Variants in DAAM2 observed in about 807,000 individuals in gnomAD.
The protein encoded by DAAM2 is disheveled-associated activator of morphogenesis 2.
Under a neutral mutation model 120.7 loss-of-function variants are expected in DAAM2, and 39 were observed. The ratio of observed to expected loss-of-function variants is 0.32; its 90% CI spans 0.25 to 0.42. DAAM2 has a LOEUF of 0.42. DAAM2 is among the 10% of genes least tolerant of loss of function. The pLI is 1.00. For missense variants in DAAM2, 1,283 were observed against 1,401.7 expected (o/e 0.92, Z 1.35); for synonymous variants, 488 against 524.9 (o/e 0.93, Z 0.96).
At chr6:39,836,673 A>G (rs1005303891) in intron 1 of DAAM2, among the ~76,000 whole-genome samples, 2 of 152,154 alleles carry the variant, frequency 1.3e-5, no homozygotes, top group Non-Finnish European at 2.9e-5. Flanking sequence ...CAAGCCCTCC[A>G]GGAAATTCTG....
chr6:39,891,470 G>T (rs777371487), intron 18 of DAAM2, 23 bp downstream of exon 18: 2 of 1,585,186 alleles, frequency 1.3e-6, no homozygotes, highest in Admixed American at 3.6e-5. Flanking sequence ...GCATGGTGGG[G>T]ATTCAAGCAG....
At chr6:39,831,870 G>T (rs1246290399) in intron 1 of DAAM2, among the ~76,000 whole-genome samples, 1 of 109,178 alleles carries the variant, frequency 9.2e-6, no homozygotes, top group Admixed American at 9.1e-5. Flanking sequence ...GTACCGAGGG[G>T]GCAGTTGTAC....
At chr6:39,832,179 G>T (rs1762940760) in intron 1 of DAAM2, among the ~76,000 whole-genome samples, 1 of 151,914 alleles carries the variant, frequency 6.6e-6, no homozygotes, top group Non-Finnish European at 1.5e-5. Flanking sequence ...AGGGTAGAGG[G>T]GCCGACAGGT....
At chr6:39,883,761 G>A (rs554033805) in intron 14 of DAAM2, 10 of 544,084 alleles carry the variant, frequency 1.8e-5, no homozygotes, top group South Asian at 1.1e-4. Context: ...GGAAAAGGGG[G>A]TTGTCTCTGG....
chr6:39,865,986 A>G (rs957037051), intron 5 of DAAM2, among the ~76,000 whole-genome samples: 5 of 152,214 alleles, frequency 3.3e-5, no homozygotes, highest in Admixed American at 6.5e-5. Flanking sequence ...TGCTGGGAGC[A>G]TTTACACCAT....
intron 3 of DAAM2, among the ~76,000 whole-genome samples, chr6:39,864,034 G>A (rs2149299805): frequency 6.6e-6 from 1 of 152,266 alleles, no homozygotes; most frequent in African/African-American, 2.4e-5. Flanking sequence ...TGTAAAATAT[G>A]AGAATGAGAT....
Position 39,870,369 on chromosome 6 carries a change from G to T in DAAM2, c.903G>T (p.Arg301=), listed in dbSNP as rs1418283850. 1 of 1,583,000 alleles carries T rather than the reference G, an allele frequency of 6.3e-7. No individual in the cohort carries two copies. Among genetic ancestry groups the T allele is most frequent in the Non-Finnish European group, 8.6e-7 (1 of 1,163,120 alleles). ...EDNLEFRLHL[R]YEFLMLGIQP... ...ATCTGGAGTTCCGCCTACATCTACG[G>T]TATGAATTCCTGATGCTGGGTATAC... Residue 301 remains arginine, a synonymous_variant, in exon 8 of 25, where the codon CGG becomes CGT. Transcript: ENST00000274867.
chr6:39,810,618 T>C (rs1762133992), intron 1 of DAAM2, among the ~76,000 whole-genome samples: 1 of 151,666 alleles, frequency 6.6e-6, no homozygotes, highest in Non-Finnish European at 1.5e-5. Flanking sequence ...GACCAATGAC[T>C]CACTAGGAAA....
At chr6:39,810,568 C>T (rs1448385009) in intron 1 of DAAM2, among the ~76,000 whole-genome samples, 2 of 152,082 alleles carry the variant, frequency 1.3e-5, no homozygotes, top group Non-Finnish European at 2.9e-5. Context: ...AAGTTACACC[C>T]ACTTGCCCCA....
At chr6:39,860,566 C>CAAGGGATGG (rs1764169641) in intron 2 of DAAM2, among the ~76,000 whole-genome samples, 1 of 152,120 alleles carries the variant, frequency 6.6e-6, no homozygotes, top group Non-Finnish European at 1.5e-5. Flanking sequence ...TTAAGAATGA[C>CAAGGGATGG]AAGGGATGGA....
intron 1 of DAAM2, among the ~76,000 whole-genome samples, chr6:39,836,820 A>G (rs1763120264): frequency 6.6e-6 from 1 of 152,154 alleles, no homozygotes; most frequent in African/African-American, 2.4e-5. Context: ...TCTATTTACT[A>G]GCTCCGGATA....
At chr6:39,810,545 C>T (rs1164648296) in intron 1 of DAAM2, among the ~76,000 whole-genome samples, 1 of 152,152 alleles carries the variant, frequency 6.6e-6, no homozygotes, top group Non-Finnish European at 1.5e-5. Context: ...CCCCTCTACC[C>T]AGAGGTACCT....
intron 1 of DAAM2, among the ~76,000 whole-genome samples, chr6:39,801,174 T>G (rs1046824646): frequency 1.3e-5 from 2 of 152,152 alleles, no homozygotes; most frequent in African/African-American, 4.8e-5. Flanking sequence ...TTAGAGGAGT[T>G]CATTATTTTC....
At chr6:39,795,023 G>A (rs576570394) in intron 1 of DAAM2, among the ~76,000 whole-genome samples, 1 of 152,176 alleles carries the variant, frequency 6.6e-6, no homozygotes, top group Non-Finnish European at 1.5e-5. Flanking sequence ...AGTGCTGCAT[G>A]TGGGATCAGT....
chr6:39,837,083 A>C (rs1011714211), intron 1 of DAAM2, among the ~76,000 whole-genome samples: 2 of 152,144 alleles, frequency 1.3e-5, no homozygotes, highest in South Asian at 2.1e-4. Context: ...TCTGATGTGC[A>C]TGTAGGTAGA....
chr6:39,872,493 C>T (rs1764702212), intron 9 of DAAM2, among the ~76,000 whole-genome samples: 1 of 152,264 alleles, frequency 6.6e-6, no homozygotes, highest in Non-Finnish European at 1.5e-5. Flanking sequence ...TCCTGAGTCC[C>T]CTCTCCCCAT....
At chr6:39,809,624 CT>C (rs1762105885) in intron 1 of DAAM2, among the ~76,000 whole-genome samples, 2 of 152,078 alleles carry the variant, frequency 1.3e-5, no homozygotes, top group Non-Finnish European at 2.9e-5. Context: ...ACTTTTCCCC[CT>C]AGAGAGCCAC....
chr6:39,880,872 T>G (rs1188998251), intron 14 of DAAM2, among the ~76,000 whole-genome samples: 1 of 152,212 alleles, frequency 6.6e-6, no homozygotes, highest in Non-Finnish European at 1.5e-5. Context: ...AGTTGTGCCC[T>G]GTGGGTGCTC....
intron 1 of DAAM2, among the ~76,000 whole-genome samples, chr6:39,824,043 C>G (rs1482031930): frequency 6.6e-6 from 1 of 152,182 alleles, no homozygotes; most frequent in Non-Finnish European, 1.5e-5. Flanking sequence ...CCTCTTCTGT[C>G]TTGTACATTA....
Sources: gnomAD v4.1 joint callset for allele counts (sites outside exome capture counted in the v4.1 genomes callset) on GRCh38, gnomAD v4.1.1 for gene constraint, MANE v1.5 for transcripts, NCBI Gene and HGNC (gene_info 2026-07-23, HGNC 2026-07-21) for gene names.